Variants in CIAPIN1 observed in about 807,000 individuals in gnomAD.
CIAPIN1 encodes anamorsin.
Under a neutral mutation model 34.3 loss-of-function variants are expected in CIAPIN1, and 18 were observed. That is an observed-to-expected ratio of 0.52 (90% CI 0.36 to 0.78). The LOEUF is 0.78. Ranked by LOEUF, CIAPIN1 falls within the 30% of genes least tolerant of loss-of-function variation. The pLI is 0.00. For synonymous variants in CIAPIN1, 131 were observed against 140.4 expected, an observed-to-expected ratio of 0.93 and a Z score of 0.47; for missense variants, 310 against 372.5, an observed-to-expected ratio of 0.83 and a Z score of 1.38.
intron 8 of CIAPIN1, 76 bp downstream of exon 8, chr16:57,430,182 T>C (rs1327886972): frequency 8.2e-7 from 1 of 1,224,228 alleles, no homozygotes; most frequent in Non-Finnish European, 1.2e-6. Flanking sequence ...AGGTGGAGCT[T>C]GTCTGTGTTT....
At chr16:57,431,948 G>C (rs1903096399) in intron 6 of CIAPIN1, among the ~76,000 whole-genome samples, 1 of 152,204 alleles carries the variant, frequency 6.6e-6, no homozygotes, top group Non-Finnish European at 1.5e-5. Context: ...GCCCACAAGA[G>C]TTTTCAACAT....
Position 57,437,233 on chromosome 16 carries a change from A to G in CIAPIN1, c.311-501T>C, listed in dbSNP as rs62037140. Among the ~76,000 whole-genome samples the G allele has an allele frequency of 4.1e-3, 625 of 152,342 alleles. 3 individuals are homozygous for G. The highest frequency in any genetic ancestry group is 7.2e-3 in the Non-Finnish European group (488 of 68,028). On this transcript the variant is annotated intron_variant, in intron 3 of 8. Coordinates refer to ENST00000394391, the MANE Select transcript of CIAPIN1 (RefSeq NM_020313.4). The stretch of plus-strand genomic sequence containing the variant: ...ATTTTTCAACTTTTATGATAGTATG[A>G]AAGTAATACTCATTCAGTAGAAACT...
chr16:57,429,429 T>G, intron 8 of CIAPIN1, 149 bp from the exon 9 acceptor site: 1 of 599,750 alleles, frequency 1.7e-6, no homozygotes, highest in South Asian at 2.1e-5. Flanking sequence ...ATACTAAGAG[T>G]TTTCAAGATT....
Position 57,439,334 on chromosome 16 carries a change from G to A in CIAPIN1, c.158C>T (p.Ser53Phe). 1 of 1,614,158 alleles carries A rather than the reference G, an allele frequency of 6.2e-7. No individual in the cohort carries two copies. The highest frequency in any genetic ancestry group is 1.3e-5 in the African/African-American group (1 of 75,032). Residue 53 changes from serine to phenylalanine, a missense_variant and splice_region_variant, in exon 3 of 9, where the codon TCT becomes TTT. Transcript: ENST00000394391. The part of the protein sequence containing the change: ...SVENIKQLLQ[S>F]AHKESSFDII... ...GTCAAAGCTGGATTCTTTGTGGGCA[G>A]CTGAAAAGAAGAGGACTCTAATTAG...
intron 1 of CIAPIN1, 100 bp downstream of exon 1, chr16:57,447,242 C>T: frequency 2.8e-6 from 1 of 355,660 alleles, no homozygotes; most frequent in Admixed American, 4.8e-5. Flanking sequence ...CATCGAGGAA[C>T]GGGGTGGGAA....
At chr16:57,445,834 GTTTTTTTTTTTTTTTTTTT>G (rs751037117) in intron 1 of CIAPIN1, among the ~76,000 whole-genome samples, 2,017 of 70,586 alleles carry the variant, frequency 0.029, 88 homozygotes, top group African/African-American at 0.11. Context: ...GACCTTAGAG[GTTTTTTTTTTTTTTTTTTT>G]TTTTTTTTTT....
Position 57,439,309 on chromosome 16 carries a change from G to A in CIAPIN1, c.183C>T (p.Asp61=). The A allele has an allele frequency of 6.2e-7, 1 of 1,614,152 alleles. No individual in the cohort carries two copies. The highest frequency in any genetic ancestry group is 8.5e-7 in the Non-Finnish European group (1 of 1,180,030). Residue 61 remains aspartate, a synonymous_variant, in exon 3 of 9, where the codon GAC becomes GAT. Transcript: ENST00000394391. ...LQSAHKESSF[D]IILSGLVPGS... The stretch of plus-strand genomic sequence containing the variant: ...CTGGGACTAAACCTGACAAAATAAT[G>A]TCAAAGCTGGATTCTTTGTGGGCAG...
At position 57,433,536 on chromosome 16, in the gene CIAPIN1, TGTGTGTGCGTGCGCGTGCGTGCACGC is replaced by T. The variant is rs1277776916; in HGVS notation, c.556+482_556+507del. ...ATGAGGATGGAGCTGTGTGTGTGTG[TGTGTGTGCGTGCGCGTGCGTGCACGC>T]GTGTGCTTGTACACAATTTTCTAGT... is the stretch of plus-strand genomic sequence containing the variant. On this transcript the variant is annotated intron_variant, in intron 5 of 8. Transcript: ENST00000394391. The T allele has an allele frequency of 9.7e-5, 17 of 175,016 alleles. No homozygotes were observed. The East Asian group carries it at 1.1e-3, about 11-fold the overall frequency. 10.8% of individuals were successfully genotyped at this position (175,016 alleles called of 1,614,324 possible).
Position 57,437,158 on chromosome 16 carries a change from TTC to T in CIAPIN1, c.311-428_311-427del, listed in dbSNP as rs201260860. Among the ~76,000 whole-genome samples, 42 of 152,210 alleles carry T rather than the reference TTC, an allele frequency of 2.8e-4. No homozygotes were observed. In the East Asian group the frequency reaches 7.1e-3, roughly 26 times the overall value. On this transcript the variant is annotated intron_variant, in intron 3 of 8. Transcript: ENST00000394391. ...AAAACAAAAAAAAAATAATAACCTA[TTC>T]TGTTTAATGTACAGATGGTCCTTGA...
intron 4 of CIAPIN1, among the ~76,000 whole-genome samples, chr16:57,434,753 G>A (rs529257863): frequency 6.6e-6 from 1 of 152,290 alleles, no homozygotes; most frequent in East Asian, 1.9e-4. Flanking sequence ...TGAATGAAGG[G>A]AAATACACTG....
chr16:57,432,279 C>A (rs1903104854), intron 6 of CIAPIN1, among the ~76,000 whole-genome samples: 1 of 151,774 alleles, frequency 6.6e-6, no homozygotes, highest in Non-Finnish European at 1.5e-5. Context: ...TGCCATTGCA[C>A]TCCAGCTTGG....
At chr16:57,430,537 G>C in intron 7 of CIAPIN1, 198 bp from the exon 8 acceptor site, 1 of 589,290 alleles carries the variant, frequency 1.7e-6, no homozygotes, top group Non-Finnish European at 3.0e-6. Context: ...GGGAAGTACC[G>C]TGTGTGCTCT....
rs1217856201 is a variant in CIAPIN1 at position 57,447,352 on chromosome 16, G to C, written c.-66C>G. 3.0e-6 allele frequency: 2 copies of C among 657,736 alleles called. No homozygotes were observed. The highest frequency in any genetic ancestry group is 4.3e-6 in the Non-Finnish European group (2 of 463,790). 40.7% of individuals were successfully genotyped at this position (657,736 alleles called of 1,614,324 possible). On this transcript the variant is annotated 5_prime_UTR_variant, in exon 1 of 9. Transcript: ENST00000394391. ...CCCCACCACTCTCACCTGCCGCCTG[G>C]GCTCGCTCCCGGCTTCTCTCCAGCC...
chr16:57,439,029 G>A lies in CIAPIN1; in HGVS notation c.310+153C>T, dbSNP rs79391872. ...AGATTACAATTTCTCCAGATATGTT[G>A]CTTCAGATTTTAACAATAATTTATC... is the stretch of plus-strand genomic sequence containing the variant. On this transcript the variant is annotated intron_variant, in intron 3 of 8. Coordinates refer to ENST00000394391, the MANE Select transcript of CIAPIN1 (RefSeq NM_020313.4). 1.5e-3 allele frequency among the ~76,000 whole-genome samples: 228 copies of A among 152,250 alleles called. 5 individuals are homozygous for A. In the East Asian group the frequency reaches 0.042, roughly 28 times the overall value.
Position 57,435,048 on chromosome 16 carries a change from T to C in CIAPIN1, c.388-836A>G, listed in dbSNP as rs1903168623. 2.0e-5 allele frequency among the ~76,000 whole-genome samples: 3 copies of C among 152,194 alleles called. No individual in the cohort carries two copies. The South Asian group carries it at 6.2e-4, about 31-fold the overall frequency. On this transcript the variant is annotated intron_variant, in intron 4 of 8. Transcript: ENST00000394391. ...GGATATGTGTCCCCTCTAAATCTCA[T>C]GTTGAACTGTAATCCCCAATGTTGG...
chr16:57,431,019 A>G, intron 7 of CIAPIN1, 132 bp downstream of exon 7: 1 of 521,840 alleles, frequency 1.9e-6, no homozygotes, highest in Non-Finnish European at 3.4e-6. Flanking sequence ...TTTTTTAATT[A>G]TTTGCAGAGA....
intron 3 of CIAPIN1, among the ~76,000 whole-genome samples, chr16:57,437,367 C>G (rs964826457): frequency 6.6e-6 from 1 of 151,914 alleles, no homozygotes; most frequent in Admixed American, 6.6e-5. Flanking sequence ...GTGTCCTAAG[C>G]GTGTTTAAGG....
chr16:57,444,343 G>T, intron 1 of CIAPIN1, among the ~76,000 whole-genome samples: 1 of 152,160 alleles, frequency 6.6e-6, no homozygotes, highest in Admixed American at 6.6e-5. Context: ...CACTCGGCAG[G>T]CTCTGGCACA....
intron 2 of CIAPIN1, 101 bp downstream of exon 2, chr16:57,440,671 G>C (rs1903309467): frequency 7.5e-7 from 1 of 1,339,982 alleles, no homozygotes; most frequent in East Asian, 2.4e-5. Flanking sequence ...ACTATCACAT[G>C]CCACCCTAAA....
Sources: allele counts gnomAD v4.1 joint callset (sites outside exome capture counted in the v4.1 genomes callset), GRCh38; gene constraint gnomAD v4.1.1; transcripts MANE v1.5; gene names NCBI Gene and HGNC (gene_info 2026-07-23, HGNC 2026-07-21).